The following PRDM6 variants were observed in gnomAD, a reference collection of about 807,000 sequenced individuals.
PRDM6 encodes the protein putative histone-lysine N-methyltransferase PRDM6.
Under a neutral mutation model 60.8 loss-of-function variants are expected in PRDM6, and 25 were observed. The observed-to-expected ratio is 0.41, with a 90% CI of 0.30 to 0.57. The LOEUF (loss-of-function observed/expected upper bound fraction) is 0.57, where lower values mean the gene tolerates loss of function less well. Ranked by LOEUF, PRDM6 falls within the 20% of genes least tolerant of loss-of-function variation. PRDM6 has a pLI of 0.27. For missense variants in PRDM6, 839 were observed against 821.3 expected (o/e 1.02, Z -0.26); for synonymous variants, 407 against 357.4 (o/e 1.14, Z -1.57).
At position 123,168,073 on chromosome 5, in the gene PRDM6, C is replaced by T. The variant is rs190170694; in HGVS notation, c.1154-2693C>T. ...GCCAGAGCATGGCAAAACATTCCTT[C>T]TTGTCGTTCAGTGCCTATTTAAAAA... On this transcript the variant is annotated intron_variant, in intron 5 of 7. Coordinates refer to ENST00000407847, the MANE Select transcript of PRDM6 (RefSeq NM_001136239.4). Among the ~76,000 whole-genome samples the T allele has an allele frequency of 2.2e-3, 328 of 152,302 alleles. 1 individual carries two copies. Among genetic ancestry groups the T allele is most frequent in the Admixed American group, 6.1e-3 (94 of 15,302 alleles).
At chr5:123,115,597 A>C (rs1001192256) in intron 3 of PRDM6, among the ~76,000 whole-genome samples, 1 of 152,240 alleles carries the variant, frequency 6.6e-6, no homozygotes, top group Non-Finnish European at 1.5e-5. Flanking sequence ...AAAAGAAAAA[A>C]ACAAGAAAAA....
At chr5:123,140,430 A>G (rs1286978456) in intron 3 of PRDM6, among the ~76,000 whole-genome samples, 2 of 152,186 alleles carry the variant, frequency 1.3e-5, no homozygotes, top group East Asian at 1.9e-4. Context: ...ATTTATTTAC[A>G]TGATGTAACA....
chr5:123,155,749 A>G, intron 3 of PRDM6, 135 bp from the exon 4 acceptor site: 2 of 928,910 alleles, frequency 2.2e-6, no homozygotes, highest in Middle Eastern at 2.7e-4. Flanking sequence ...TGAGTTGTCC[A>G]CAAGCATCAA....
chr5:123,090,654 C>T (rs1561793220), intron 2 of PRDM6, 48 bp downstream of exon 2: 2 of 1,199,780 alleles, frequency 1.7e-6, no homozygotes, highest in Non-Finnish European at 2.1e-6. Context: ...CCGGCGCCGG[C>T]GCCGGCGGGC....
intron 3 of PRDM6, among the ~76,000 whole-genome samples, chr5:123,126,785 C>T (rs1033525272): frequency 2.0e-5 from 3 of 152,188 alleles, no homozygotes; most frequent in African/African-American, 4.8e-5. Flanking sequence ...TTTCTACCTT[C>T]GTTTCCAAGA....
chr5:123,126,810 A>G (rs1010720355), intron 3 of PRDM6, among the ~76,000 whole-genome samples: 2 of 152,188 alleles, frequency 1.3e-5, no homozygotes, highest in Non-Finnish European at 2.9e-5. Context: ...CCTTCTAGCT[A>G]TTCACCTAAT....
chr5:123,115,417 TG>T (rs1159308588), intron 3 of PRDM6, among the ~76,000 whole-genome samples: 9 of 152,218 alleles, frequency 5.9e-5, no homozygotes, highest in African/African-American at 2.2e-4. Context: ...CTACTCATAG[TG>T]AGCCATGCTA....
chr5:123,181,554 A>G (rs1580544330), intron 7 of PRDM6, among the ~76,000 whole-genome samples: 1 of 152,060 alleles, frequency 6.6e-6, no homozygotes, highest in Non-Finnish European at 1.5e-5. Context: ...TTTCAGTTCA[A>G]CCCTCTTACA....
Position 123,104,362 on chromosome 5 carries a change from T to C in PRDM6, c.900+4401T>C, listed in dbSNP as rs1283500773. ...ATATATACAGTACTATACCCACTTA[T>C]ATGTATTTAGATGTTGAAAAAATTA... On this transcript the variant is annotated intron_variant, in intron 3 of 7. Coordinates refer to ENST00000407847, the MANE Select transcript of PRDM6 (RefSeq NM_001136239.4). 2.0e-5 allele frequency among the ~76,000 whole-genome samples: 3 copies of C among 152,136 alleles called. 1 individual carries two copies. Among genetic ancestry groups the C allele is most frequent in the East Asian group, 3.8e-4 (2 of 5,200 alleles).
At chr5:123,132,410 G>GTA (rs1561838594) in intron 3 of PRDM6, among the ~76,000 whole-genome samples, 1 of 152,104 alleles carries the variant, frequency 6.6e-6, no homozygotes, top group Non-Finnish European at 1.5e-5. Flanking sequence ...GTGGTTGTGT[G>GTA]TGTGTGTGTG....
chr5:123,181,730 T>A (rs1766167974), intron 7 of PRDM6, among the ~76,000 whole-genome samples: 1 of 152,144 alleles, frequency 6.6e-6, no homozygotes, highest in Non-Finnish European at 1.5e-5. Flanking sequence ...AGCCAAGAAG[T>A]CTTCCCAGAG....
At chr5:123,177,237 T>G (rs1766035398) in intron 6 of PRDM6, among the ~76,000 whole-genome samples, 1 of 152,238 alleles carries the variant, frequency 6.6e-6, no homozygotes, top group South Asian at 2.1e-4. Flanking sequence ...TTTATTCATA[T>G]TTTAAGGAAA....
chr5:123,100,840 T>C (rs1487553690), intron 3 of PRDM6, among the ~76,000 whole-genome samples: 2 of 152,248 alleles, frequency 1.3e-5, no homozygotes. Context: ...TATCATTAGG[T>C]CATCCCCCTA....
At chr5:123,143,200 C>A (rs1765160031) in intron 3 of PRDM6, among the ~76,000 whole-genome samples, 1 of 127,916 alleles carries the variant, frequency 7.8e-6, no homozygotes, top group Non-Finnish European at 1.8e-5. Context: ...TGTATACACA[C>A]CTCCTTTGAG....
chr5:123,124,937 A>G (rs891020917), intron 3 of PRDM6, among the ~76,000 whole-genome samples: 1 of 152,202 alleles, frequency 6.6e-6, no homozygotes, highest in Non-Finnish European at 1.5e-5. Context: ...AAAAAGGTCC[A>G]TGATATTGCA....
At chr5:123,168,354 C>T (rs931401486) in intron 5 of PRDM6, among the ~76,000 whole-genome samples, 1 of 151,918 alleles carries the variant, frequency 6.6e-6, no homozygotes, top group African/African-American at 2.4e-5. Flanking sequence ...AATTTCGAAA[C>T]ACAGCTATTG....
intron 3 of PRDM6, among the ~76,000 whole-genome samples, chr5:123,133,301 G>A (rs1303402022): frequency 6.6e-6 from 1 of 152,012 alleles, no homozygotes; most frequent in Non-Finnish European, 1.5e-5. Flanking sequence ...TCCTTCCTAT[G>A]CAAACACGTA....
At chr5:123,125,415 T>C (rs892238438) in intron 3 of PRDM6, among the ~76,000 whole-genome samples, 1 of 152,224 alleles carries the variant, frequency 6.6e-6, no homozygotes, top group African/African-American at 2.4e-5. Flanking sequence ...GGAGGTTTAC[T>C]TTGGATCCCA....
chr5:123,089,409 C>G lies in PRDM6; in HGVS notation c.-126C>G, dbSNP rs549748404. The G allele has an allele frequency of 6.5e-6, 1 of 153,050 alleles. No individual in the cohort carries two copies. Among genetic ancestry groups the G allele is most frequent in the African/African-American group, 2.4e-5 (1 of 41,522 alleles). 9.5% of individuals were successfully genotyped at this position (153,050 alleles called of 1,614,324 possible). On this transcript the variant is annotated 5_prime_UTR_variant, in exon 1 of 8. Coordinates refer to ENST00000407847, the MANE Select transcript of PRDM6 (RefSeq NM_001136239.4). Reference sequence around the variant, plus strand: ...TCCGGGCGGCACAATCTCTAGGACTCTCCTCCCGCGCTGCTCAGGGGCATG... The same window carrying G: ...TCCGGGCGGCACAATCTCTAGGACTGTCCTCCCGCGCTGCTCAGGGGCATG...
Sources: allele counts gnomAD v4.1 joint callset (sites outside exome capture counted in the v4.1 genomes callset), GRCh38; gene constraint gnomAD v4.1.1; transcripts MANE v1.5; gene names NCBI Gene and HGNC (gene_info 2026-07-23, HGNC 2026-07-21).